PCGF5: variants seen among roughly 807,000 people sequenced by gnomAD.
PCGF5 encodes the protein polycomb group RING finger protein 5.
In PCGF5, 9 loss-of-function variants were observed where a neutral mutation model predicts 44.3. The ratio of observed to expected loss-of-function variants is 0.20; its 90% CI spans 0.12 to 0.35. The LOEUF (loss-of-function observed/expected upper bound fraction) is 0.35, where lower values mean the gene tolerates loss of function less well. Among genes scored for constraint, PCGF5 ranks in the 10% least tolerant of loss-of-function variants. PCGF5 has a pLI of 1.00. For missense variants in PCGF5, 146 were observed against 305.3 expected (o/e 0.48, Z 3.89); for synonymous variants, 95 against 102.5 (o/e 0.93, Z 0.44).
At position 91,278,753 on chromosome 10, in the gene PCGF5, T is replaced by C. The variant is rs1846377571; in HGVS notation, c.*437T>C. On this transcript the variant is annotated 3_prime_UTR_variant, in exon 10 of 10. Transcript: ENST00000336126. ...CTACAAGAAACTAATAATTATATCT[T>C]GAAATTATTTTGTATGGAAGTATAT... The C allele has an allele frequency of 6.4e-6, 1 of 155,428 alleles. No homozygotes were observed. The highest frequency in any genetic ancestry group is 2.4e-5 in the African/African-American group (1 of 41,580). The allele number at this position is 155,428 out of a possible 1,614,324, so 9.6% of individuals were successfully genotyped here.
Position 91,271,663 on chromosome 10 carries a change from C to T in PCGF5, c.689C>T (p.Ser230Leu). 1.9e-6 allele frequency: 3 copies of T among 1,613,910 alleles called. No homozygotes were observed. Among genetic ancestry groups the T allele is most frequent in the East Asian group, 2.2e-5 (1 of 44,872 alleles). Residue 230 changes from serine (S) to leucine (L), a missense_variant, in exon 9 of 10, where the codon TCG becomes TTG. Physicochemically the swap from Ser to Leu is moderately radical, Grantham distance 145. Coordinates refer to ENST00000336126, the MANE Select transcript of PCGF5 (RefSeq NM_032373.5). ...TTTCGGTGTCTGAACTGCTCAGCTT[C>T]GCAAGTCTGCTCTCAGGATGGCCCT... ...ENFRCLNCSASQVCSQDGPLY... is the reference protein window; with the variant it reads ...ENFRCLNCSALQVCSQDGPLY...
At chr10:91,171,697 G>A (rs1373232457) in intron 1 of PCGF5, among the ~76,000 whole-genome samples, 2 of 152,158 alleles carry the variant, frequency 1.3e-5, no homozygotes, top group East Asian at 1.9e-4. Flanking sequence ...AGGGAAAAAC[G>A]AATGTGGAGG....
chr10:91,238,616 T>C (rs1460832816), intron 2 of PCGF5, among the ~76,000 whole-genome samples: 18 of 136,230 alleles, frequency 1.3e-4, no homozygotes, highest in Middle Eastern at 3.6e-3. Context: ...TTTTTTTTTT[T>C]TTTTTTTTTT....
chr10:91,207,716 A>G (rs1043899289), intron 1 of PCGF5, among the ~76,000 whole-genome samples: 1 of 152,174 alleles, frequency 6.6e-6, no homozygotes, highest in African/African-American at 2.4e-5. Flanking sequence ...TTTGTCTTTC[A>G]TGACATTAAT....
In PCGF5 at chr10:91,261,435, T is replaced by A. The variant is rs768596251; in HGVS notation, c.573+11T>A. Reference sequence around the variant, plus strand: ...CCAAGTTCTTATGAGGTAAGTTAAATAATATCTAAGCTTGATCATTTTGAT... The same window carrying A: ...CCAAGTTCTTATGAGGTAAGTTAAAAAATATCTAAGCTTGATCATTTTGAT... On this transcript the variant is annotated intron_variant, in intron 7 of 9. Transcript: ENST00000336126. 6.9e-7 allele frequency: 1 copy of A among 1,439,168 alleles called. No individual in the cohort carries two copies. The highest frequency in any genetic ancestry group is 2.4e-5 in the East Asian group (1 of 41,910). The allele number at this position is 1,439,168 out of a possible 1,614,324, so 89.1% of individuals were successfully genotyped here. A position where few individuals can be genotyped will look rare whatever the true frequency, so the allele number is the denominator to read the frequency against.
At position 91,275,445 on chromosome 10, in the gene PCGF5, A is replaced by ATT. The variant is rs67394295; in HGVS notation, c.724-2811_724-2810dup. 9.9e-4 allele frequency among the ~76,000 whole-genome samples: 143 copies of ATT among 144,910 alleles called. 1 individual carries two copies. The highest frequency in any genetic ancestry group is 1.5e-3 in the Non-Finnish European group (98 of 65,492). ...ATGTAGAAAAATAAAACTACATTTT[A>ATT]TTTTTTTTTTTTTTGAGATGGAATC... On this transcript the variant is annotated intron_variant, in intron 9 of 9. Transcript: ENST00000336126.
At chr10:91,178,572 T>A (rs775031291) in intron 1 of PCGF5, among the ~76,000 whole-genome samples, 4 of 151,946 alleles carry the variant, frequency 2.6e-5, no homozygotes, top group African/African-American at 4.8e-5. Context: ...AAAATTTTTG[T>A]AGAGACAGGG....
Position 91,283,198 on chromosome 10 carries a change from A to G in PCGF5, c.*4882A>G, listed in dbSNP as rs1564664020. The G allele has an allele frequency of 6.6e-6, 1 of 152,240 alleles. No individual in the cohort carries two copies. The allele number at this position is 152,240 out of a possible 1,614,324, so 9.4% of individuals were successfully genotyped here. On this transcript the variant is annotated 3_prime_UTR_variant, in exon 10 of 10. Coordinates refer to ENST00000336126, the MANE Select transcript of PCGF5 (RefSeq NM_032373.5). ...CTTCCTAGTATAATACAGTTTTCAT[A>G]AATAATGTTTACTTGCTTTCTTTAT...
intron 3 of PCGF5, among the ~76,000 whole-genome samples, chr10:91,248,071 G>T (rs1845514572): frequency 6.6e-6 from 1 of 152,122 alleles, no homozygotes; most frequent in Non-Finnish European, 1.5e-5. Flanking sequence ...TCATCCTCCA[G>T]CCTTGTTCTC....
intron 1 of PCGF5, among the ~76,000 whole-genome samples, chr10:91,178,716 T>TA (rs1843761517): frequency 6.6e-6 from 1 of 151,972 alleles, no homozygotes; most frequent in South Asian, 2.1e-4. Context: ...AACGTAGTAG[T>TA]ACACTTTGAG....
intron 2 of PCGF5, among the ~76,000 whole-genome samples, chr10:91,223,868 C>T (rs1234048306): frequency 2.0e-5 from 3 of 152,086 alleles, no homozygotes; most frequent in Non-Finnish European, 4.4e-5. Flanking sequence ...AGTAACTTGT[C>T]TAGTCTCATA....
At chr10:91,175,672 A>G (rs1318123917) in intron 1 of PCGF5, among the ~76,000 whole-genome samples, 2 of 152,260 alleles carry the variant, frequency 1.3e-5, no homozygotes, top group Non-Finnish European at 2.9e-5. Flanking sequence ...CAATAAAAAA[A>G]TCACAGAAAG....
chr10:91,214,661 A>G (rs1844510030), intron 1 of PCGF5, among the ~76,000 whole-genome samples: 1 of 152,252 alleles, frequency 6.6e-6, no homozygotes, highest in Non-Finnish European at 1.5e-5. Flanking sequence ...TTTGCAGACA[A>G]GCACACTGGT....
intron 2 of PCGF5, among the ~76,000 whole-genome samples, chr10:91,224,929 A>G (rs1844777232): frequency 6.6e-6 from 1 of 152,152 alleles, no homozygotes; most frequent in African/African-American, 2.4e-5. Flanking sequence ...GACCCAGTCC[A>G]CAGTGTGTTT....
chr10:91,190,224 C>T (rs1240440418), intron 1 of PCGF5, among the ~76,000 whole-genome samples: 1 of 152,194 alleles, frequency 6.6e-6, no homozygotes, highest in East Asian at 1.9e-4. Flanking sequence ...TTTATAAGGG[C>T]ACTAACCCCA....
Position 91,177,864 on chromosome 10 carries a change from G to A in PCGF5, c.-184+14783G>A, listed in dbSNP as rs566256463. Among the ~76,000 whole-genome samples the A allele has an allele frequency of 3.9e-5, 6 of 152,308 alleles. No individual in the cohort carries two copies. The East Asian group carries it at 5.8e-4, about 15-fold the overall frequency. On this transcript the variant is annotated intron_variant, in intron 1 of 9. Transcript: ENST00000614189. ...ACCCCTTGTGCTTCCTGGGTGAGGC[G>A]ATGCCTCTCCCTGCTTCAGCTCACA...
intron 1 of PCGF5, among the ~76,000 whole-genome samples, chr10:91,211,980 G>A (rs1293033684): frequency 6.6e-6 from 1 of 152,206 alleles, no homozygotes. Flanking sequence ...CCATTGTCAG[G>A]AGCGGTGTGA....
intron 3 of PCGF5, among the ~76,000 whole-genome samples, chr10:91,242,381 C>T (rs891742968): frequency 4.0e-5 from 6 of 151,104 alleles, no homozygotes; most frequent in Admixed American, 2.6e-4. Context: ...AGATTATTAC[C>T]AACTGTTAAA....
At chr10:91,218,057 G>T (rs1589373807), upstream of PCGF5, among the ~76,000 whole-genome samples, 5 of 152,332 alleles carry the variant, frequency 3.3e-5, no homozygotes, top group East Asian at 9.6e-4. Context: ...AAAGTGCTGG[G>T]ATTACAGGCG....
Sources: allele counts gnomAD v4.1 joint callset (sites outside exome capture counted in the v4.1 genomes callset), GRCh38; gene constraint gnomAD v4.1.1; transcripts MANE v1.5; gene names NCBI Gene and HGNC (gene_info 2026-07-23, HGNC 2026-07-21).